PRICKLE2: variants seen among roughly 807,000 people sequenced by gnomAD.
The protein encoded by PRICKLE2 is prickle planar cell polarity protein 2, also known as prickle-like protein 2.
A neutral mutation model predicts 81.4 loss-of-function variants in PRICKLE2; 21 were observed. That is an observed-to-expected ratio of 0.26 (90% CI 0.18 to 0.37). The LOEUF (loss-of-function observed/expected upper bound fraction) is 0.37. PRICKLE2 is among the 10% of genes least tolerant of loss of function. PRICKLE2 has a pLI of 1.00. For missense variants in PRICKLE2, 940 were observed against 1,109.0 expected (o/e 0.85, Z 2.16); for synonymous variants, 456 against 421.5 (o/e 1.08, Z -1.00).
rs553596500 is a variant in PRICKLE2 at position 64,249,177 on chromosome 3, A to G, written c.129-50210T>C. 8.1e-4 allele frequency among the ~76,000 whole-genome samples: 123 copies of G among 152,316 alleles called. 3 individuals carry two copies. The Middle Eastern group carries it at 0.014, about 17-fold the overall frequency. On this transcript the variant is annotated intron_variant, in intron 2 of 8. Transcript: ENST00000295902. ...GAAGCACAACTGGGAAACCTCGGGA[A>G]ACTTACAATCATGGCAGAAGATGAA... is the stretch of plus-strand genomic sequence containing the variant.
At chr3:64,239,250 G>T (rs1162397008) in intron 2 of PRICKLE2, among the ~76,000 whole-genome samples, 1 of 152,162 alleles carries the variant, frequency 6.6e-6, no homozygotes, top group Non-Finnish European at 1.5e-5. Flanking sequence ...TGGGGGGCGG[G>T]GGGCTGGCAG....
chr3:64,204,374 G>A (rs1179582021), intron 1 of PRICKLE2, among the ~76,000 whole-genome samples: 1 of 152,156 alleles, frequency 6.6e-6, no homozygotes, highest in Non-Finnish European at 1.5e-5. Context: ...TCCCACGGAA[G>A]AAAACAAAGG....
At chr3:64,106,891 A>G (rs900292106) in intron 7 of PRICKLE2, among the ~76,000 whole-genome samples, 1 of 152,228 alleles carries the variant, frequency 6.6e-6, no homozygotes, top group Non-Finnish European at 1.5e-5. Flanking sequence ...CATCCTCTGG[A>G]GGATCTGGCA....
intron 6 of PRICKLE2, among the ~76,000 whole-genome samples, chr3:64,152,718 C>G (rs1237263731): frequency 6.6e-6 from 1 of 152,118 alleles, no homozygotes; most frequent in East Asian, 1.9e-4. Context: ...CCCCCACTGC[C>G]CTGAGCCTCG....
At chr3:64,234,049 A>T (rs1297274757) in intron 2 of PRICKLE2, among the ~76,000 whole-genome samples, 1 of 152,164 alleles carries the variant, frequency 6.6e-6, no homozygotes, top group Admixed American at 6.5e-5. Context: ...AATATACATC[A>T]TATTCATCTA....
intron 1 of PRICKLE2, among the ~76,000 whole-genome samples, chr3:64,204,335 C>G (rs2078642870): frequency 6.6e-6 from 1 of 152,120 alleles, no homozygotes; most frequent in African/African-American, 2.4e-5. Context: ...TTCCATCAGT[C>G]CTCCAGGAAA....
rs187586428 is a variant in PRICKLE2 at position 64,136,413 on chromosome 3, T to C, written c.1660+10417A>G. ...TGAGTCTGAGCCCTGAGAGATTCTG[T>C]TTGTGGGTGTGGGATGTGGCCCAAG... On this transcript the variant is annotated intron_variant, in intron 7 of 7. Transcript: ENST00000638394. Among the ~76,000 whole-genome samples, 4 of 150,324 alleles carry C rather than the reference T, an allele frequency of 2.7e-5. No individual in the cohort carries two copies. In the East Asian group the frequency reaches 7.8e-4, roughly 29 times the overall value.
chr3:64,155,170 A>T (rs2620627), intron 5 of PRICKLE2: 1 of 145,688 alleles, frequency 6.9e-6, no homozygotes. Context: ...AAAAAAAAAA[A>T]GGGAAAAATA....
chr3:64,150,726 C>T (rs1327779189), intron 6 of PRICKLE2, among the ~76,000 whole-genome samples: 1 of 152,186 alleles, frequency 6.6e-6, no homozygotes, highest in Non-Finnish European at 1.5e-5. Context: ...CCACCAGCTG[C>T]TTCTCCAAGC....
At chr3:64,161,744 G>GTGTT (rs2077737771) in intron 3 of PRICKLE2, among the ~76,000 whole-genome samples, 1 of 142,922 alleles carries the variant, frequency 7.0e-6, no homozygotes, top group Non-Finnish European at 1.5e-5. Flanking sequence ...AAGTCTCCAT[G>GTGTT]TAAACGTCCC....
intron 2 of PRICKLE2, among the ~76,000 whole-genome samples, chr3:64,166,829 C>G (rs891651691): frequency 6.6e-6 from 1 of 152,196 alleles, no homozygotes. Flanking sequence ...CAATCCTCTT[C>G]GAAGTCCATT....
At chr3:64,201,129 C>T (rs2078569275) in intron 1 of PRICKLE2, among the ~76,000 whole-genome samples, 1 of 151,692 alleles carries the variant, frequency 6.6e-6, no homozygotes, top group East Asian at 2.0e-4. Context: ...CCGGGTTTCA[C>T]CATATTAGCC....
chr3:64,176,494 A>G (rs1227165512), intron 2 of PRICKLE2, among the ~76,000 whole-genome samples: 1 of 152,196 alleles, frequency 6.6e-6, no homozygotes, highest in African/African-American at 2.4e-5. Flanking sequence ...TTAGAAAGCA[A>G]AGACAGAAGG....
chr3:64,165,966 GTGTGTGTGT>G lies in PRICKLE2; in HGVS notation c.145-2846_145-2838del, dbSNP rs764474271. On this transcript the variant is annotated intron_variant, in intron 2 of 7. Coordinates refer to ENST00000638394, the MANE Select transcript of PRICKLE2 (RefSeq NM_198859.4). ...AAAAATGGCAAACTGTTATAAAGGTGTGTGTGTGTGTGTGTGTGTGTGTGTGTGTGTGTG... is the reference window on the plus strand; with the variant it reads ...AAAAATGGCAAACTGTTATAAAGGTGGTGTGTGTGTGTGTGTGTGTGTGTG... Among the ~76,000 whole-genome samples the G allele has an allele frequency of 3.0e-4, 37 of 121,360 alleles. No individual in the cohort carries two copies. In the South Asian group the frequency reaches 5.4e-3, roughly 18 times the overall value. The allele number at this position is 121,360 out of a possible 152,430, so 79.6% of individuals were successfully genotyped here. A position where few individuals can be genotyped will look rare whatever the true frequency, so the allele number is the denominator to read the frequency against.
At chr3:64,201,610 T>C (rs1359247950) in intron 1 of PRICKLE2, among the ~76,000 whole-genome samples, 1 of 152,238 alleles carries the variant, frequency 6.6e-6, no homozygotes, top group African/African-American at 2.4e-5. Context: ...TGTTGAGTTA[T>C]AAGCTTTCTT....
chr3:64,153,532 C>A, intron 5 of PRICKLE2, 164 bp from the exon 6 acceptor site: 1 of 646,310 alleles, frequency 1.5e-6, no homozygotes, highest in Non-Finnish European at 2.7e-6. Context: ...GTATGTATAT[C>A]AGTTCCTATA....
chr3:64,231,997 G>A (rs906170214), intron 2 of PRICKLE2, among the ~76,000 whole-genome samples: 1 of 152,216 alleles, frequency 6.6e-6, no homozygotes, highest in African/African-American at 2.4e-5. Flanking sequence ...GGTGTGAAGT[G>A]TGGGAAATAA....
At chr3:64,128,780 T>C (rs866017643) in intron 7 of PRICKLE2, among the ~76,000 whole-genome samples, 2 of 148,480 alleles carry the variant, frequency 1.3e-5, no homozygotes, top group South Asian at 2.1e-4. Flanking sequence ...TTCAATGTTA[T>C]GATACCATAT....
intron 7 of PRICKLE2, among the ~76,000 whole-genome samples, chr3:64,127,926 TA>T (rs1227723070): frequency 6.6e-6 from 1 of 152,098 alleles, no homozygotes; most frequent in Admixed American, 6.6e-5. Context: ...AGGCACTGAT[TA>T]AACCAGAACC....
Sources: allele counts gnomAD v4.1 joint callset (sites outside exome capture counted in the v4.1 genomes callset), GRCh38; gene constraint gnomAD v4.1.1; transcripts MANE v1.5; gene names NCBI Gene and HGNC (gene_info 2026-07-23, HGNC 2026-07-21).